SLC4A4: variants seen among roughly 807,000 people sequenced by gnomAD.
SLC4A4 encodes electrogenic sodium bicarbonate cotransporter 1.
A neutral mutation model predicts 111.5 loss-of-function variants in SLC4A4; 27 were observed. The ratio of observed to expected loss-of-function variants is 0.24; its 90% CI spans 0.18 to 0.33. SLC4A4 has a LOEUF of 0.33. SLC4A4 is among the 10% of genes least tolerant of loss of function. The pLI, the probability that SLC4A4 is intolerant of heterozygous loss-of-function variation, is 1.00. For synonymous variants in SLC4A4, 443 were observed against 463.4 expected (o/e 0.96, Z 0.57); for missense variants, 909 against 1,315.5 (o/e 0.69, Z 4.78).
chr4:71,100,112 C>A (rs549847624), intron 2 of SLC4A4, among the ~76,000 whole-genome samples: 1 of 152,260 alleles, frequency 6.6e-6, no homozygotes, highest in South Asian at 2.1e-4. Context: ...ATGAGGCCAG[C>A]ATTATCCTGA....
At chr4:71,405,583 G>A (rs1440857758) in intron 7 of SLC4A4, among the ~76,000 whole-genome samples, 3 of 152,122 alleles carry the variant, frequency 2.0e-5, no homozygotes, top group Admixed American at 1.3e-4. Context: ...TTCTGGAGGA[G>A]AAATTTTTAT....
At chr4:71,253,302 A>C (rs1392642149) in intron 2 of SLC4A4, among the ~76,000 whole-genome samples, 1 of 152,172 alleles carries the variant, frequency 6.6e-6, no homozygotes, top group African/African-American at 2.4e-5. Context: ...TTATCCACCC[A>C]TATAGACTGT....
At chr4:71,285,292 C>T (rs1175223415) in intron 3 of SLC4A4, among the ~76,000 whole-genome samples, 2 of 152,070 alleles carry the variant, frequency 1.3e-5, no homozygotes, top group Non-Finnish European at 2.9e-5. Flanking sequence ...TCTTTGTGAA[C>T]CTATCCTGAC....
intron 2 of SLC4A4, among the ~76,000 whole-genome samples, chr4:71,094,588 G>A (rs140403760): frequency 9.2e-4 from 140 of 152,332 alleles, no homozygotes; most frequent in African/African-American, 3.2e-3. Flanking sequence ...GTAGATGTAA[G>A]GATATGTAGT....
At chr4:71,091,411 C>T (rs1431069372) in intron 1 of SLC4A4, among the ~76,000 whole-genome samples, 5 of 152,008 alleles carry the variant, frequency 3.3e-5, no homozygotes, top group African/African-American at 1.2e-4. Context: ...CGCCACCACG[C>T]TTGGCTAATT....
At chr4:71,273,267 A>G (rs1264462020) in intron 3 of SLC4A4, among the ~76,000 whole-genome samples, 1 of 152,224 alleles carries the variant, frequency 6.6e-6, no homozygotes, top group African/African-American at 2.4e-5. Flanking sequence ...AGATAAAGAT[A>G]TACATGCCCC....
chr4:71,414,073 A>G (rs967911452), intron 7 of SLC4A4, among the ~76,000 whole-genome samples: 2 of 152,208 alleles, frequency 1.3e-5, no homozygotes, highest in African/African-American at 2.4e-5. Context: ...CATGTCAAGG[A>G]TCCATTTGAG....
At chr4:71,344,285 G>A (rs893175711) in intron 4 of SLC4A4, among the ~76,000 whole-genome samples, 8 of 152,106 alleles carry the variant, frequency 5.3e-5, no homozygotes, top group Non-Finnish European at 1.2e-4. Context: ...TACATTCTTT[G>A]GAGAGGCGTG....
At chr4:71,511,780 T>G (rs1199608215) in intron 16 of SLC4A4, among the ~76,000 whole-genome samples, 1 of 152,104 alleles carries the variant, frequency 6.6e-6, no homozygotes, top group Non-Finnish European at 1.5e-5. Flanking sequence ...CCCATCACCC[T>G]TCCCAGATTC....
At chr4:71,255,445 C>T (rs750795594) in intron 3 of SLC4A4, 46 bp downstream of exon 3, 22 of 1,590,438 alleles carry the variant, frequency 1.4e-5, no homozygotes, top group East Asian at 2.2e-5. Context: ...CTCACTCCCA[C>T]ATCTTTGAGA....
At position 71,356,992 on chromosome 4, in the gene SLC4A4, T is replaced by A. The variant is rs1730342001; in HGVS notation, c.551-16T>A. 1.2e-6 allele frequency: 2 copies of A among 1,613,364 alleles called. No homozygotes were observed. Among genetic ancestry groups the A allele is most frequent in the East Asian group, 4.5e-5 (2 of 44,874 alleles). The stretch of plus-strand genomic sequence containing the variant: ...TTGTGACTGAGTTTTGTTTTTTGCT[T>A]TTGTTTTTGTACCAGAGATGATTGT... On this transcript the variant is annotated splice_polypyrimidine_tract_variant and intron_variant, in intron 5 of 25. Coordinates refer to ENST00000264485, the MANE Select transcript of SLC4A4 (RefSeq NM_001098484.3).
intron 3 of SLC4A4, among the ~76,000 whole-genome samples, chr4:71,281,527 C>G (rs982011022): frequency 3.3e-5 from 5 of 152,152 alleles, no homozygotes; most frequent in Admixed American, 6.5e-5. Context: ...TCTCTGAAAT[C>G]TCTTCTAGGT....
chr4:71,376,033 A>G (rs1455382061), intron 6 of SLC4A4, among the ~76,000 whole-genome samples: 2 of 150,854 alleles, frequency 1.3e-5, no homozygotes, highest in East Asian at 3.9e-4. Flanking sequence ...CCAAAACTAC[A>G]TATATATACA....
At chr4:71,421,533 A>C (rs1170701214) in intron 7 of SLC4A4, among the ~76,000 whole-genome samples, 3 of 152,078 alleles carry the variant, frequency 2.0e-5, no homozygotes, top group South Asian at 4.1e-4. Context: ...CAGAATATAC[A>C]TTTTTTTCAG....
At chr4:71,329,508 AG>A (rs1727793843) in intron 3 of SLC4A4, among the ~76,000 whole-genome samples, 1 of 152,062 alleles carries the variant, frequency 6.6e-6, no homozygotes, top group Non-Finnish European at 1.5e-5. Context: ...AATGTTTTAT[AG>A]TTTTCATTGT....
chr4:71,362,452 C>T (rs949976155), intron 6 of SLC4A4, among the ~76,000 whole-genome samples: 1 of 152,124 alleles, frequency 6.6e-6, no homozygotes, highest in Non-Finnish European at 1.5e-5. Context: ...ATAGTAATCA[C>T]TCCACAAATG....
rs1737659437 is a variant in SLC4A4, at chr4:71,568,049, A to C, written c.*298A>C. The C allele has an allele frequency of 5.2e-6, 3 of 576,504 alleles. No individual in the cohort carries two copies. The highest frequency in any genetic ancestry group is 9.3e-6 in the Non-Finnish European group (3 of 321,732). 35.7% of individuals were successfully genotyped at this position (576,504 alleles called of 1,614,324 possible). On this transcript the variant is annotated 3_prime_UTR_variant, in exon 26 of 26. Transcript: ENST00000264485. ...GCTTCTCTCTTGCATAGACACAATC[A>C]AGACAATAGTGCACCGTTCCTTAAA...
At chr4:71,208,527 A>C (rs1717930064) in intron 1 of SLC4A4, among the ~76,000 whole-genome samples, 1 of 151,554 alleles carries the variant, frequency 6.6e-6, no homozygotes, top group Admixed American at 6.6e-5. Flanking sequence ...AAAATGAAAA[A>C]ATAATTGGAA....
chr4:71,512,974 G>T (rs759407708), intron 16 of SLC4A4, among the ~76,000 whole-genome samples: 1 of 151,996 alleles, frequency 6.6e-6, no homozygotes, highest in African/African-American at 2.4e-5. Context: ...TATCTACTCC[G>T]TTCTGTTGGT....
Sources: gnomAD v4.1 joint callset for allele counts (sites outside exome capture counted in the v4.1 genomes callset) on GRCh38, gnomAD v4.1.1 for gene constraint, MANE v1.5 for transcripts, NCBI Gene and HGNC (gene_info 2026-07-23, HGNC 2026-07-21) for gene names.